Variants in CALD1 observed in about 807,000 individuals in gnomAD.
CALD1 encodes the protein caldesmon 1, also known as caldesmon.
CALD1 carries 33 observed loss-of-function variants against 99.9 expected under a neutral mutation model. That is an observed-to-expected ratio of 0.33 (90% confidence interval 0.25 to 0.44). The LOEUF (loss-of-function observed/expected upper bound fraction) is 0.44, where lower values mean the gene tolerates loss of function less well. Among genes scored for constraint, CALD1 ranks in the 20% least tolerant of loss-of-function variants. The pLI is 1.00. For synonymous variants in CALD1, 310 were observed against 325.0 expected (o/e 0.95, Z 0.50); for missense variants, 861 against 962.1 (o/e 0.89, Z 1.39).
chr7:134,820,974 G>A (rs1010858884), intron 1 of CALD1, among the ~76,000 whole-genome samples: 1 of 152,086 alleles, frequency 6.6e-6, no homozygotes, highest in African/African-American at 2.4e-5. Flanking sequence ...GAAAAATGAT[G>A]CAAACTATTT....
At chr7:134,848,342 G>A (rs1486545424) in intron 2 of CALD1, among the ~76,000 whole-genome samples, 1 of 152,134 alleles carries the variant, frequency 6.6e-6, no homozygotes, top group Non-Finnish European at 1.5e-5. Context: ...AAGAGCTAGA[G>A]ACAAATGAAG....
the CALD1 span, among the ~76,000 whole-genome samples, chr7:134,720,716 A>G: frequency 1.3e-5 from 2 of 152,240 alleles, no homozygotes; most frequent in Non-Finnish European, 2.9e-5. Context: ...CATGAAATGT[A>G]GCAGTTGGTC....
intron 3 of CALD1, among the ~76,000 whole-genome samples, chr7:134,893,594 T>G (rs932573654): frequency 9.9e-5 from 15 of 152,172 alleles, no homozygotes; most frequent in African/African-American, 3.6e-4. Flanking sequence ...TTCTATTCCC[T>G]ACACAGGGAA....
the CALD1 span, among the ~76,000 whole-genome samples, chr7:134,725,984 G>A: frequency 6.6e-6 from 1 of 152,168 alleles, no homozygotes; most frequent in Non-Finnish European, 1.5e-5. Context: ...CTGGTCTCTA[G>A]TACTGTGAAA....
chr7:134,939,517 T>G (rs900210232), intron 6 of CALD1, among the ~76,000 whole-genome samples: 1 of 152,180 alleles, frequency 6.6e-6, no homozygotes, highest in Non-Finnish European at 1.5e-5. Flanking sequence ...ACATCCTAGG[T>G]ATATACCCCA....
chr7:134,947,428 C>T, intron 7 of CALD1, 80 bp from the exon 8 acceptor site: 1 of 1,407,876 alleles, frequency 7.1e-7, no homozygotes, highest in Non-Finnish European at 9.6e-7. Flanking sequence ...GATGCAGAAG[C>T]CGCAGACCGA....
chr7:134,853,512 C>T (rs529879486), intron 2 of CALD1, among the ~76,000 whole-genome samples: 1 of 152,154 alleles, frequency 6.6e-6, no homozygotes, highest in African/African-American at 2.4e-5. Context: ...AGTTCTCTCT[C>T]ATAGTAGCTT....
chr7:134,875,458 A>G (rs183379512), intron 3 of CALD1, among the ~76,000 whole-genome samples: 11 of 152,342 alleles, frequency 7.2e-5, no homozygotes, highest in African/African-American at 2.4e-4. Flanking sequence ...CAACATGGTG[A>G]AACCCCATCT....
At chr7:134,828,092 G>A (rs1799074994) in intron 1 of CALD1, among the ~76,000 whole-genome samples, 1 of 152,194 alleles carries the variant, frequency 6.6e-6, no homozygotes, top group South Asian at 2.1e-4. Context: ...AGAGGACTCT[G>A]TGGCACTTTT....
chr7:134,754,742 A>G lies in CALD1; in HGVS notation c.-130+10379A>G, dbSNP rs1474030078. 3.8e-5 allele frequency among the ~76,000 whole-genome samples: 3 copies of G among 79,372 alleles called. No homozygotes were observed. In the East Asian group the frequency reaches 0.035, roughly 923 times the overall value. The allele number at this position is 79,372 out of a possible 152,430, so 52.1% of individuals were successfully genotyped here. On this transcript the variant is annotated intron_variant, in intron 1 of 13. Coordinates refer to the CALD1 transcript ENST00000417172. The stretch of plus-strand genomic sequence containing the variant: ...ACCACATATAGAGTTCATTCTACTC[A>G]ACTACTAAACGCTAACTATGGACAA...
intron 6 of CALD1, among the ~76,000 whole-genome samples, chr7:134,939,821 G>T (rs1806285210): frequency 6.6e-6 from 1 of 152,064 alleles, no homozygotes; most frequent in African/African-American, 2.4e-5. Context: ...AAAATTATCT[G>T]GGTGTGGTGT....
chr7:134,782,668 G>A (rs1797152075), intron 1 of CALD1, among the ~76,000 whole-genome samples: 1 of 152,132 alleles, frequency 6.6e-6, no homozygotes, highest in African/African-American at 2.4e-5. Flanking sequence ...TGGTTAAGAC[G>A]TCCAAATGAG....
chr7:134,757,142 T>G, intron 1 of CALD1, among the ~76,000 whole-genome samples: 1 of 152,104 alleles, frequency 6.6e-6, no homozygotes, highest in Non-Finnish European at 1.5e-5. Context: ...GTTGTTTAGT[T>G]ATTGGCTATC....
At chr7:134,964,103 A>G (rs182614041) in intron 13 of CALD1, among the ~76,000 whole-genome samples, 1 of 152,312 alleles carries the variant, frequency 6.6e-6, no homozygotes, top group Admixed American at 6.5e-5. Flanking sequence ...AGGCTGAGGC[A>G]GGAGAATCGC....
At chr7:134,847,446 G>A (rs370309293) in intron 2 of CALD1, among the ~76,000 whole-genome samples, 1 of 152,084 alleles carries the variant, frequency 6.6e-6, no homozygotes, top group Admixed American at 6.5e-5. Context: ...TCCCTTCCCT[G>A]GGAGTCTCCT....
At chr7:134,845,504 T>C (rs984114350) in intron 2 of CALD1, among the ~76,000 whole-genome samples, 8 of 152,032 alleles carry the variant, frequency 5.3e-5, no homozygotes, top group Non-Finnish European at 8.8e-5. Context: ...AGGTAGGAAA[T>C]AGTAAATAGC....
At chr7:134,849,084 C>T (rs934533247) in intron 2 of CALD1, among the ~76,000 whole-genome samples, 4 of 152,082 alleles carry the variant, frequency 2.6e-5, no homozygotes, top group African/African-American at 7.2e-5. Context: ...TGTTCAGTGA[C>T]GTAAATTGTG....
chr7:134,827,382 G>T (rs893422462), intron 1 of CALD1, among the ~76,000 whole-genome samples: 5 of 152,150 alleles, frequency 3.3e-5, no homozygotes, highest in African/African-American at 9.7e-5. Flanking sequence ...AGTAAAAACA[G>T]AAAATGGGCA....
At chr7:134,894,154 G>T (rs1328159303) in intron 3 of CALD1, among the ~76,000 whole-genome samples, 1 of 152,148 alleles carries the variant, frequency 6.6e-6, no homozygotes, top group Admixed American at 6.5e-5. Context: ...AAATATGGGG[G>T]AGGCTTGTGT....
Sources: gnomAD v4.1 joint callset for allele counts (sites outside exome capture counted in the v4.1 genomes callset) on GRCh38, gnomAD v4.1.1 for gene constraint, MANE v1.5 for transcripts, NCBI Gene and HGNC (gene_info 2026-07-23, HGNC 2026-07-21) for gene names.